The following IL7 variants were observed in gnomAD, a reference collection of about 807,000 sequenced individuals.
The protein encoded by IL7 is interleukin 7.
In IL7, 3 loss-of-function variants were observed where a neutral mutation model predicts 21.6. That is an observed-to-expected ratio of 0.14 (90% confidence interval 0.06 to 0.36). The LOEUF is 0.36. Ranked by LOEUF, IL7 falls within the 10% of genes least tolerant of loss-of-function variation. The probability of loss-of-function intolerance (pLI) is 1.00; values close to 1 mark genes in which losing one functional copy is unlikely to be tolerated. For synonymous variants in IL7, 62 were observed against 68.1 expected, an observed-to-expected ratio of 0.91 and a Z score of 0.44; for missense variants, 175 against 200.2, an observed-to-expected ratio of 0.87 and a Z score of 0.76.
chr8:78,678,714 G>T, intron 4 of IL7: 1 of 1,459,702 alleles, frequency 6.9e-7, no homozygotes, highest in South Asian at 1.3e-5. Flanking sequence ...TATGAACTTT[G>T]GTGTTATGTA....
chr8:78,678,603 A>G, intron 4 of IL7: 1 of 1,612,442 alleles, frequency 6.2e-7, no homozygotes, highest in Non-Finnish European at 8.5e-7. Context: ...GCAACTAAAA[A>G]ACGGAAGACT....
chr8:78,801,265 C>T (rs1277753441), intron 1 of IL7, among the ~76,000 whole-genome samples: 1 of 152,176 alleles, frequency 6.6e-6, no homozygotes. Flanking sequence ...AGAGATTTCA[C>T]TAGAAGCTTG....
At chr8:78,793,915 A>G (rs1266246291) in intron 2 of IL7, among the ~76,000 whole-genome samples, 2 of 152,148 alleles carry the variant, frequency 1.3e-5, no homozygotes, top group African/African-American at 4.8e-5. Context: ...AAATCATTTC[A>G]AGAAACCACT....
downstream of IL7, among the ~76,000 whole-genome samples, chr8:78,715,518 TA>T (rs1811074276): frequency 6.6e-6 from 1 of 152,194 alleles, no homozygotes; most frequent in Non-Finnish European, 1.5e-5. Flanking sequence ...TGTAAAGGAT[TA>T]ACCCTTCTAC....
intron 2 of IL7, chr8:78,760,349 C>G (rs1228159368): frequency 6.2e-7 from 1 of 1,610,354 alleles, no homozygotes; most frequent in African/African-American, 1.3e-5. Context: ...ACCGCTCATT[C>G]TCAACCTTCA....
In IL7 at chr8:78,738,534, G is replaced by A. The variant is rs1010037315; in HGVS notation, c.330C>T (p.Gly110=). The A allele has an allele frequency of 2.5e-6, 4 of 1,613,516 alleles. No individual in the cohort carries two copies. The highest frequency in any genetic ancestry group is 2.2e-5 in the South Asian group (2 of 91,064). The change falls in exon 4 of 6, where the codon GGC becomes GGT. Residue 110 remains glycine (G), a synonymous_variant. Transcript: ENST00000263851. Reference sequence around the variant, plus strand: ...CAGTGCAGTTCAACAGTATTGTTGTGCCTTCTGAAACTTTTAATAAGTGGA... The same window carrying A: ...CAGTGCAGTTCAACAGTATTGTTGTACCTTCTGAAACTTTTAATAAGTGGA... The part of the protein sequence containing the change: ...FDLHLLKVSE[G]TTILLNCTGQ...
chr8:78,695,096 G>A (rs552359106), intron 3 of IL7, among the ~76,000 whole-genome samples: 6 of 152,244 alleles, frequency 3.9e-5, no homozygotes, highest in South Asian at 4.1e-4. Context: ...GCAAGATACC[G>A]AGGGGGAGGT....
At chr8:78,739,061 G>T (rs1811691083) in intron 3 of IL7, among the ~76,000 whole-genome samples, 1 of 151,996 alleles carries the variant, frequency 6.6e-6, no homozygotes, top group South Asian at 2.1e-4. Flanking sequence ...CTGATAATAA[G>T]AAAATAAAGG....
chr8:78,676,340 G>A (rs1809578157), intron 4 of IL7, among the ~76,000 whole-genome samples: 1 of 151,816 alleles, frequency 6.6e-6, no homozygotes, highest in Non-Finnish European at 1.5e-5. Flanking sequence ...TTATGTTTGA[G>A]ATGTTTCAAA....
At chr8:78,766,427 T>C (rs1812754928) in intron 2 of IL7, among the ~76,000 whole-genome samples, 1 of 152,114 alleles carries the variant, frequency 6.6e-6, no homozygotes. Flanking sequence ...ACAAGGAGTA[T>C]ATGAGACCTC....
chr8:78,683,549 G>A (rs777236109), intron 4 of IL7, among the ~76,000 whole-genome samples: 2 of 152,128 alleles, frequency 1.3e-5, no homozygotes, highest in Non-Finnish European at 2.9e-5. Context: ...CACACAGTAG[G>A]GGGGCCCTGG....
At chr8:78,726,295 G>C (rs1387510985) in intron 3 of IL7, among the ~76,000 whole-genome samples, 1 of 151,936 alleles carries the variant, frequency 6.6e-6, no homozygotes, top group Non-Finnish European at 1.5e-5. Context: ...TGATTGATAT[G>C]TGCAAATGTA....
chr8:78,692,944 A>G (rs907823088), intron 3 of IL7, among the ~76,000 whole-genome samples: 4 of 151,700 alleles, frequency 2.6e-5, no homozygotes, highest in African/African-American at 7.3e-5. Flanking sequence ...AAGTGCTCTC[A>G]TTGTTCAATT....
At chr8:78,761,985 G>GC (rs1812576419) in intron 2 of IL7, 1 of 1,606,442 alleles carries the variant, frequency 6.2e-7, no homozygotes, top group Non-Finnish European at 8.5e-7. Context: ...TCCTCATCTT[G>GC]CCCTTCACCC....
chr8:78,760,042 T>C (rs1812496437), intron 2 of IL7: 4 of 1,077,704 alleles, frequency 3.7e-6, no homozygotes, highest in Non-Finnish European at 5.0e-6. Flanking sequence ...TTCAATGGAG[T>C]CCTATAGGCA....
chr8:78,676,899 T>C (rs1046246652), intron 4 of IL7, among the ~76,000 whole-genome samples: 1 of 152,040 alleles, frequency 6.6e-6, no homozygotes, highest in Non-Finnish European at 1.5e-5. Context: ...TTGAATTATG[T>C]TGGGAAACAA....
intron 3 of IL7, among the ~76,000 whole-genome samples, chr8:78,712,560 TC>T (rs1810983642): frequency 6.6e-6 from 1 of 152,274 alleles, no homozygotes; most frequent in Admixed American, 6.5e-5. Flanking sequence ...AAACTTTCAA[TC>T]CAAGGGTCCT....
exon 7 of IL7, chr8:78,717,987 A>G (rs1811159022): frequency 6.6e-6 from 1 of 152,076 alleles, no homozygotes; most frequent in African/African-American, 2.4e-5. Context: ...ACCATTAGGT[A>G]TGTTAAGGTC....
intron 4 of IL7, among the ~76,000 whole-genome samples, chr8:78,737,154 A>T (rs1485969666): frequency 2.6e-5 from 4 of 152,144 alleles, no homozygotes; most frequent in African/African-American, 9.6e-5. Context: ...TCAATACATA[A>T]GAGAAAGAAT....
Sources: gnomAD v4.1 joint callset for allele counts (sites outside exome capture counted in the v4.1 genomes callset) on GRCh38, gnomAD v4.1.1 for gene constraint, MANE v1.5 for transcripts, NCBI Gene and HGNC (gene_info 2026-07-23, HGNC 2026-07-21) for gene names.